The following DOCK1 variants were observed in gnomAD, a reference collection of about 807,000 sequenced individuals.
DOCK1 encodes dedicator of cytokinesis protein 1.
DOCK1 carries 138 observed loss-of-function variants against 262.7 expected under a neutral mutation model. The observed-to-expected ratio is 0.53, with a 90% confidence interval of 0.46 to 0.61. DOCK1 has a LOEUF of 0.61. DOCK1 is among the 20% of genes least tolerant of loss of function. The pLI, the probability that DOCK1 is intolerant of heterozygous loss-of-function variation, is 0.00. For synonymous variants in DOCK1, 866 were observed against 867.4 expected, an observed-to-expected ratio of 1.00 and a Z score of 0.03; for missense variants, 1,908 against 2,370.7, an observed-to-expected ratio of 0.80 and a Z score of 4.05.
chr10:126,978,360 A>T (rs1347839875), intron 3 of DOCK1, among the ~76,000 whole-genome samples: 1 of 152,206 alleles, frequency 6.6e-6, no homozygotes, highest in African/African-American at 2.4e-5. Context: ...TTAATAATAG[A>T]TTAGCAAATT....
At chr10:127,260,754 C>T (rs965982157) in intron 29 of DOCK1, among the ~76,000 whole-genome samples, 3 of 114,074 alleles carry the variant, frequency 2.6e-5, no homozygotes, top group Admixed American at 9.7e-5. Flanking sequence ...TGTGTGTACC[C>T]GTGCTCATCT....
Position 127,008,180 on chromosome 10 carries a change from C to T in DOCK1, c.986-552C>T, listed in dbSNP as rs111779954. Reference sequence around the variant, plus strand: ...TGGTGTGAATTCTGTTCACTGCAACCTCCACCTCCTGGGCCCAAGCAAGTC... The same window carrying T: ...TGGTGTGAATTCTGTTCACTGCAACTTCCACCTCCTGGGCCCAAGCAAGTC... On this transcript the variant is annotated intron_variant, in intron 10 of 51. Coordinates refer to ENST00000623213, the MANE Select transcript of DOCK1 (RefSeq NM_001290223.2). Among the ~76,000 whole-genome samples, 16 of 152,284 alleles carry T rather than the reference C, an allele frequency of 1.1e-4. 1 individual carries two copies. The highest frequency in any genetic ancestry group is 3.9e-4 in the African/African-American group (16 of 41,546).
chr10:127,254,688 G>A (rs985010838), intron 28 of DOCK1, among the ~76,000 whole-genome samples: 1 of 152,158 alleles, frequency 6.6e-6, no homozygotes, highest in South Asian at 2.1e-4. Context: ...ATCCTTCATC[G>A]GATGGGTTGA....
At chr10:127,420,856 C>G (rs1231227073) in intron 46 of DOCK1, among the ~76,000 whole-genome samples, 1 of 151,486 alleles carries the variant, frequency 6.6e-6, no homozygotes, top group Non-Finnish European at 1.5e-5. Flanking sequence ...AAAAAAGGAA[C>G]AGGGCAAGGC....
chr10:126,951,621 A>ACTG (rs1373925834), intron 1 of DOCK1, among the ~76,000 whole-genome samples: 1 of 150,774 alleles, frequency 6.6e-6, no homozygotes, highest in Non-Finnish European at 1.5e-5. Context: ...TGGTGGTGGT[A>ACTG]TTGTTGGTGG....
At chr10:127,099,973 G>T (rs1414189126) in intron 23 of DOCK1, among the ~76,000 whole-genome samples, 3 of 152,156 alleles carry the variant, frequency 2.0e-5, no homozygotes, top group African/African-American at 7.2e-5. Flanking sequence ...GCTGGCAGAG[G>T]GGCCTGGCCC....
intron 29 of DOCK1, among the ~76,000 whole-genome samples, chr10:127,262,813 A>C (rs780549146): frequency 6.6e-6 from 1 of 152,134 alleles, no homozygotes; most frequent in Non-Finnish European, 1.5e-5. Context: ...TGCTGTGGGG[A>C]TGTCACGTGC....
intron 1 of DOCK1, among the ~76,000 whole-genome samples, chr10:126,909,063 T>C (rs1250448831): frequency 6.6e-6 from 1 of 152,178 alleles, no homozygotes; most frequent in Non-Finnish European, 1.5e-5. Flanking sequence ...TTCAGGTTAC[T>C]TGGAATTCGT....
intron 27 of DOCK1, among the ~76,000 whole-genome samples, chr10:127,146,799 C>G (rs2051903708): frequency 6.6e-6 from 1 of 152,206 alleles, no homozygotes; most frequent in South Asian, 2.1e-4. Context: ...GCAGAGACTC[C>G]ACTCCAAGTG....
intron 51 of DOCK1, among the ~76,000 whole-genome samples, chr10:127,451,119 G>A (rs182547463): frequency 6.6e-6 from 1 of 152,194 alleles, no homozygotes; most frequent in Non-Finnish European, 1.5e-5. Flanking sequence ...GTGGGAGAGT[G>A]CTCAGAGGCG....
At chr10:127,042,932 A>G in intron 20 of DOCK1, 132 bp from the exon 21 acceptor site, 1 of 849,230 alleles carries the variant, frequency 1.2e-6, no homozygotes, top group South Asian at 1.8e-5. Context: ...AGAAAAGGTA[A>G]ACTAGCCACC....
intron 27 of DOCK1, among the ~76,000 whole-genome samples, chr10:127,199,305 G>C (rs916098185): frequency 4.3e-4 from 66 of 152,070 alleles, no homozygotes; most frequent in Non-Finnish European, 1.2e-4. Context: ...GTTGTACAGA[G>C]AATTGCTGGA....
intron 27 of DOCK1, among the ~76,000 whole-genome samples, chr10:127,173,436 T>G (rs966917465): frequency 6.6e-6 from 1 of 152,206 alleles, no homozygotes; most frequent in African/African-American, 2.4e-5. Flanking sequence ...CCATACTTGT[T>G]CTAAGAGGAG....
chr10:127,256,401 G>A (rs1330867933), intron 28 of DOCK1, among the ~76,000 whole-genome samples: 3 of 152,062 alleles, frequency 2.0e-5, no homozygotes, highest in Non-Finnish European at 4.4e-5. Flanking sequence ...AAATAAATGA[G>A]AAATATCCAC....
intron 2 of DOCK1, among the ~76,000 whole-genome samples, chr10:126,975,487 T>G (rs536791941): frequency 6.0e-4 from 92 of 152,366 alleles, no homozygotes; most frequent in African/African-American, 2.2e-3. Flanking sequence ...CATCCTGCAG[T>G]GTTCTGCCTT....
intron 19 of DOCK1, among the ~76,000 whole-genome samples, chr10:127,038,607 C>T (rs1402985366): frequency 2.0e-5 from 3 of 152,140 alleles, no homozygotes; most frequent in Admixed American, 2.0e-4. Flanking sequence ...AGAAAGATCA[C>T]GACACTGAGA....
At chr10:127,069,420 C>T (rs1053791138) in intron 23 of DOCK1, among the ~76,000 whole-genome samples, 1 of 152,186 alleles carries the variant, frequency 6.6e-6, no homozygotes, top group Admixed American at 6.5e-5. Context: ...GATGTTGGCA[C>T]CGTCATAGAC....
intron 29 of DOCK1, among the ~76,000 whole-genome samples, chr10:127,280,523 A>G (rs1356777195): frequency 3.9e-4 from 59 of 152,160 alleles, no homozygotes; most frequent in Admixed American, 3.9e-3. Flanking sequence ...GAAGGCCAGA[A>G]TGAAGGGAGC....
chr10:127,195,824 G>A (rs2057089536), intron 27 of DOCK1, among the ~76,000 whole-genome samples: 2 of 152,152 alleles, frequency 1.3e-5, no homozygotes, highest in Non-Finnish European at 2.9e-5. Flanking sequence ...GTCCGCTCCC[G>A]GCTGCACCGG....
Sources: allele counts gnomAD v4.1 joint callset (sites outside exome capture counted in the v4.1 genomes callset), GRCh38; gene constraint gnomAD v4.1.1; transcripts MANE v1.5; gene names NCBI Gene and HGNC (gene_info 2026-07-23, HGNC 2026-07-21).